DNASE2: variants seen among roughly 807,000 people sequenced by gnomAD.
DNASE2 encodes the protein deoxyribonuclease 2, lysosomal.
A neutral mutation model predicts 29.8 loss-of-function variants in DNASE2; 26 were observed. The ratio of observed to expected loss-of-function variants is 0.87; its 90% CI spans 0.64 to 1.21. DNASE2 has a LOEUF of 1.21. DNASE2 is among the 50% of genes most tolerant of loss of function. The probability of loss-of-function intolerance (pLI) is 0.00; values close to 1 mark genes in which losing one functional copy is unlikely to be tolerated. For missense variants in DNASE2, 415 were observed against 455.6 expected, an observed-to-expected ratio of 0.91 and a Z score of 0.81; for synonymous variants, 186 against 193.5, an observed-to-expected ratio of 0.96 and a Z score of 0.32.
In DNASE2 at chr19:12,875,855, T is replaced by A. The variant is rs538894338; in HGVS notation, c.*135A>T. 1,696 of 1,183,698 alleles carry A rather than the reference T, an allele frequency of 1.4e-3. 4 individuals carry two copies. Among genetic ancestry groups the A allele is most frequent in the Non-Finnish European group, 1.5e-3 (1,270 of 854,340 alleles). 73.3% of individuals were successfully genotyped at this position (1,183,698 alleles called of 1,614,324 possible). ...ATCACCGTGCCTGGCTAACTTTTTT[T>A]AAGTTCTAGTAGAGATGTGGTCTCA... is the stretch of plus-strand genomic sequence containing the variant. On this transcript the variant is annotated 3_prime_UTR_variant, in exon 6 of 6. Coordinates refer to ENST00000222219, the MANE Select transcript of DNASE2 (RefSeq NM_001375.3).
intron 5 of DNASE2, chr19:12,878,004 G>A (rs1035227835): frequency 6.0e-6 from 2 of 330,984 alleles, no homozygotes; most frequent in Non-Finnish European, 1.2e-5. Context: ...TTGTAGAGAT[G>A]AGGTCTTGCT....
rs2293682 is a variant in DNASE2, at chr19:12,878,746, G to C, written c.435C>G (p.Ser145Arg). Reference sequence around the variant, plus strand: ...CGTAGGTACAGGCGCTATGAGGCCAGCTGTATGCAGCAGAGGAGGCCGGTG... The same window carrying C: ...CGTAGGTACAGGCGCTATGAGGCCACCTGTATGCAGCAGAGGAGGCCGGTG... ...FPPPASSAAY[S>R]WPHSACTYGQ... The change falls in exon 4 of 6, where the codon AGC (serine) becomes AGG (arginine). Residue 145 changes from serine to arginine, a missense_variant. Ser to Arg is a moderately radical substitution (Grantham distance 110, BLOSUM62 -1). Coordinates refer to ENST00000222219, the MANE Select transcript of DNASE2 (RefSeq NM_001375.3). 1 of 1,613,664 alleles carries C rather than the reference G, an allele frequency of 6.2e-7. No individual in the cohort carries two copies. Among genetic ancestry groups the C allele is most frequent in the Admixed American group, 1.7e-5 (1 of 59,916 alleles).
chr19:12,880,658 C>G, intron 3 of DNASE2, 144 bp downstream of exon 3: 1 of 1,163,316 alleles, frequency 8.6e-7, no homozygotes. Context: ...CCCACCGTCT[C>G]AAAAACAAAG....
intron 5 of DNASE2, 104 bp from the exon 6 acceptor site, chr19:12,876,467 T>TA: frequency 6.8e-7 from 1 of 1,472,094 alleles, no homozygotes; most frequent in Non-Finnish European, 8.9e-7. Context: ...TCCTTTTTTT[T>TA]TTTTTTTTTT....
rs1002938869 is a variant in DNASE2, at chr19:12,880,807, G to A, written c.341C>T (p.Thr114Met). ...GCCCCCAATCCAGGCCTCACCCTTC[G>A]TGTGCCCACGCATGGAAGAGTCCTG... ...KAQDSSMRGH[T>M]KGVLLLDHDG... The change falls in exon 3 of 6, where the codon ACG becomes ATG. Residue 114 changes from threonine (T) to methionine (M), a missense_variant. Thr to Met is a moderately conservative substitution (Grantham distance 81). Coordinates refer to ENST00000222219, the MANE Select transcript of DNASE2 (RefSeq NM_001375.3). 7 of 1,614,096 alleles carry A rather than the reference G, an allele frequency of 4.3e-6. No individual in the cohort carries two copies. Among genetic ancestry groups the A allele is most frequent in the African/African-American group, 1.3e-5 (1 of 74,922 alleles).
chr19:12,876,742 G>A (rs148347515), intron 5 of DNASE2, among the ~76,000 whole-genome samples: 22 of 151,948 alleles, frequency 1.4e-4, no homozygotes, highest in African/African-American at 4.8e-4. Context: ...GTGTGTCACC[G>A]CGCCCTGCCA....
chr19:12,879,257 G>A (rs1970353394), intron 3 of DNASE2, among the ~76,000 whole-genome samples: 1 of 151,232 alleles, frequency 6.6e-6, no homozygotes. Context: ...AGCCGAGGAG[G>A]GCGGATCACC....
At chr19:12,877,412 A>T (rs1568418170) in intron 5 of DNASE2, among the ~76,000 whole-genome samples, 1 of 147,012 alleles carries the variant, frequency 6.8e-6, no homozygotes, top group African/African-American at 2.5e-5. Flanking sequence ...ACTAATTAAA[A>T]TTTTTTTTGT....
intron 3 of DNASE2, 70 bp from the exon 4 acceptor site, chr19:12,878,904 A>G (rs1970348192): frequency 7.8e-6 from 12 of 1,541,978 alleles, no homozygotes; most frequent in Admixed American, 1.9e-5. Context: ...GCACTTTGGG[A>G]GACCGAGACA....
intron 3 of DNASE2, among the ~76,000 whole-genome samples, 166 bp from the exon 4 acceptor site, chr19:12,879,000 G>A (rs1970349513): frequency 6.6e-6 from 1 of 151,638 alleles, no homozygotes; most frequent in Admixed American, 6.6e-5. Flanking sequence ...AAAATTAGCT[G>A]AGCGTGGTGG....
chr19:12,880,310 G>C (rs191273932), intron 3 of DNASE2, among the ~76,000 whole-genome samples: 1 of 151,568 alleles, frequency 6.6e-6, no homozygotes, highest in African/African-American at 2.4e-5. Context: ...GTCTGACAGG[G>C]GAGATCTCCC....
In DNASE2 at chr19:12,876,044, G is replaced by A; in HGVS notation, c.1029C>T (p.Asn343=). 6.2e-7 allele frequency: 1 copy of A among 1,614,018 alleles called. No homozygotes were observed. The highest frequency in any genetic ancestry group is 1.1e-5 in the South Asian group (1 of 91,064). ...TGGCCATGCCATTACAGGGCTGGTA[G>A]TTCTTCACCAGCGGCTGGAAGGCTT... ...LWKAFQPLVK[N]YQPCNGMARK... The change falls in exon 6 of 6, where the codon AAC becomes AAT. Residue 343 remains asparagine (N), a synonymous_variant. Transcript: ENST00000222219.
intron 5 of DNASE2, 137 bp from the exon 6 acceptor site, chr19:12,876,500 C>T (rs1042035564): frequency 4.4e-6 from 6 of 1,374,250 alleles, no homozygotes; most frequent in Admixed American, 5.2e-5. Flanking sequence ...TGCTCTGTCG[C>T]CCAGGCTAGA....
chr19:12,878,069 C>G (rs181948994), intron 5 of DNASE2: 63 of 395,414 alleles, frequency 1.6e-4, no homozygotes, highest in African/African-American at 1.3e-3. Flanking sequence ...CCTGCCTCAG[C>G]CTCCTAAGTA....
At chr19:12,880,010 C>T (rs1234578050) in intron 3 of DNASE2, among the ~76,000 whole-genome samples, 2 of 145,504 alleles carry the variant, frequency 1.4e-5, no homozygotes, top group Non-Finnish European at 1.5e-5. Flanking sequence ...GAGGCTGAGG[C>T]AGAAGAATCG....
In DNASE2 at chr19:12,875,880, A is replaced by T; in HGVS notation, c.*110T>A. On this transcript the variant is annotated 3_prime_UTR_variant, in exon 6 of 6. Coordinates refer to ENST00000222219, the MANE Select transcript of DNASE2 (RefSeq NM_001375.3). ...TAAGTTCTAGTAGAGATGTGGTCTC[A>T]CTATGTAGCCCAGGCTGGTCTCGAA... The T allele has an allele frequency of 1.4e-6, 2 of 1,416,208 alleles. No individual in the cohort carries two copies. The highest frequency in any genetic ancestry group is 1.9e-6 in the Non-Finnish European group (2 of 1,034,812). The allele number at this position is 1,416,208 out of a possible 1,614,324, so 87.7% of individuals were successfully genotyped here. A position where few individuals can be genotyped will look rare whatever the true frequency, so the allele number is the denominator to read the frequency against.
chr19:12,880,478 T>C (rs573071214), intron 3 of DNASE2, among the ~76,000 whole-genome samples: 4 of 151,866 alleles, frequency 2.6e-5, no homozygotes, highest in Admixed American at 2.0e-4. Context: ...GCCAACATGG[T>C]GAAACCTCGT....
rs144073177 is a variant in DNASE2 at position 12,877,555 on chromosome 19, A to G, written c.709+827T>C. Among the ~76,000 whole-genome samples the G allele has an allele frequency of 5.2e-3, 783 of 150,444 alleles. 3 individuals carry two copies. Among genetic ancestry groups the G allele is most frequent in the Non-Finnish European group, 8.4e-3 (568 of 67,674 alleles). The stretch of plus-strand genomic sequence containing the variant: ...TTTATTTGTATTTATTTATTTATTT[A>G]TTTATTTTGAGACACAGTCTCACTC... On this transcript the variant is annotated intron_variant, in intron 5 of 5. Coordinates refer to ENST00000222219, the MANE Select transcript of DNASE2 (RefSeq NM_001375.3).
rs766117471 is a variant in DNASE2, at chr19:12,881,033, T to C, written c.206A>G (p.Asn69Ser). ...TCGGCCCACGGCCCCCTCCGGGCTG[T>C]TGATGAGTGCCCTGCCGTCCCGCCA... is the stretch of plus-strand genomic sequence containing the variant. ...GGWRDGRALI[N>S]SPEGAVGRSL... The change falls in exon 2 of 6, where the codon AAC (asparagine) becomes AGC (serine). Residue 69 changes from asparagine to serine, a missense_variant. Asn to Ser is a conservative substitution (Grantham distance 46, BLOSUM62 1). Transcript: ENST00000222219. The C allele has an allele frequency of 1.2e-6, 2 of 1,613,750 alleles. No homozygotes were observed. Among genetic ancestry groups the C allele is most frequent in the Middle Eastern group, 1.7e-4 (1 of 6,058 alleles).
Sources: allele counts gnomAD v4.1 joint callset (sites outside exome capture counted in the v4.1 genomes callset), GRCh38; gene constraint gnomAD v4.1.1; transcripts MANE v1.5; gene names NCBI Gene and HGNC (gene_info 2026-07-23, HGNC 2026-07-21).